NCAM2: variants seen among roughly 807,000 people sequenced by gnomAD.
NCAM2 encodes N-CAM-2.
NCAM2 carries 30 observed loss-of-function variants against 98.1 expected under a neutral mutation model. That is an observed-to-expected ratio of 0.31 (90% CI 0.23 to 0.41). The LOEUF (loss-of-function observed/expected upper bound fraction) is 0.41, where lower values mean the gene tolerates loss of function less well. Among genes scored for constraint, NCAM2 ranks in the 10% least tolerant of loss-of-function variants. NCAM2 has a pLI of 1.00. For missense variants in NCAM2, 867 were observed against 1,005.8 expected (o/e 0.86, Z 1.87); for synonymous variants, 368 against 342.4 (o/e 1.07, Z -0.83).
intron 1 of NCAM2, among the ~76,000 whole-genome samples, chr21:21,063,469 C>T (rs920939796): frequency 6.6e-6 from 1 of 151,904 alleles, no homozygotes; most frequent in Non-Finnish European, 1.5e-5. Context: ...GATCCACCCG[C>T]CTCAGCCTCC....
chr21:21,389,747 A>G (rs2076341303), intron 9 of NCAM2, among the ~76,000 whole-genome samples: 1 of 152,068 alleles, frequency 6.6e-6, no homozygotes, highest in Non-Finnish European at 1.5e-5. Context: ...AAATAATAAG[A>G]TTTCATTCTC....
At chr21:21,269,118 T>A (rs192105391) in intron 1 of NCAM2, among the ~76,000 whole-genome samples, 154 of 152,264 alleles carry the variant, frequency 1.0e-3, no homozygotes, top group Middle Eastern at 3.4e-3. Flanking sequence ...CATTTAAAAA[T>A]TTATCTGTCA....
intron 1 of NCAM2, among the ~76,000 whole-genome samples, chr21:21,046,228 TG>T (rs1401228236): frequency 6.6e-6 from 1 of 152,216 alleles, no homozygotes; most frequent in Non-Finnish European, 1.5e-5. Context: ...GTGAACTTGT[TG>T]GCAGCAAGGA....
chr21:21,083,630 G>C lies in NCAM2; in HGVS notation c.55+85012G>C, dbSNP rs140400446. ...AGATTTCACTATGTTGCCCAGGCTG[G>C]TCTTGAACTTCTGGCTTCAAACAAT... On this transcript the variant is annotated intron_variant, in intron 1 of 17. Coordinates refer to ENST00000400546, the MANE Select transcript of NCAM2 (RefSeq NM_004540.5). Among the ~76,000 whole-genome samples the C allele has an allele frequency of 4.5e-3, 679 of 152,076 alleles. 1 individual carries two copies. Among genetic ancestry groups the C allele is most frequent in the Middle Eastern group, 6.8e-3 (2 of 294 alleles).
chr21:21,083,724 T>C (rs946409019), intron 1 of NCAM2, among the ~76,000 whole-genome samples: 14 of 152,184 alleles, frequency 9.2e-5, no homozygotes, highest in African/African-American at 3.1e-4. Flanking sequence ...CTCATCTTTT[T>C]TAAAATTCTA....
At chr21:21,241,488 G>A (rs1444946803) in intron 1 of NCAM2, among the ~76,000 whole-genome samples, 2 of 152,030 alleles carry the variant, frequency 1.3e-5, no homozygotes, top group African/African-American at 2.4e-5. Flanking sequence ...TATTTAACTT[G>A]GACAAGCTCA....
chr21:21,276,340 A>T (rs1411946175), intron 1 of NCAM2, among the ~76,000 whole-genome samples: 1 of 152,116 alleles, frequency 6.6e-6, no homozygotes, highest in Non-Finnish European at 1.5e-5. Context: ...TGAGTATAGT[A>T]CATAATTTTT....
intron 1 of NCAM2, among the ~76,000 whole-genome samples, chr21:21,197,164 C>G (rs2069033975): frequency 6.6e-6 from 1 of 152,194 alleles, no homozygotes; most frequent in African/African-American, 2.4e-5. Flanking sequence ...GAGTCTCACT[C>G]TGCTACCCAG....
intron 6 of NCAM2, 42 bp from the exon 7 acceptor site, chr21:21,335,462 TA>T: frequency 6.6e-7 from 1 of 1,507,008 alleles, no homozygotes. Flanking sequence ...TACTAAATTA[TA>T]AAGCCAGATC....
intron 15 of NCAM2, 63 bp downstream of exon 15, chr21:21,477,534 C>T: frequency 8.1e-7 from 1 of 1,240,020 alleles, no homozygotes; most frequent in Non-Finnish European, 1.1e-6. Context: ...TTTTATAACC[C>T]TTACTGACTT....
intron 1 of NCAM2, among the ~76,000 whole-genome samples, chr21:21,110,113 C>T (rs1184152236): frequency 6.6e-6 from 1 of 152,108 alleles, no homozygotes; most frequent in Non-Finnish European, 1.5e-5. Context: ...GTGATGAGTC[C>T]AAAGCATTTG....
intron 6 of NCAM2, among the ~76,000 whole-genome samples, chr21:21,328,281 T>A (rs1256224666): frequency 1.3e-5 from 2 of 152,208 alleles, no homozygotes; most frequent in Non-Finnish European, 2.9e-5. Context: ...TTTTATACAC[T>A]ACATAATACT....
chr21:21,424,468 T>G (rs2077173180), intron 11 of NCAM2, among the ~76,000 whole-genome samples: 2 of 152,120 alleles, frequency 1.3e-5, no homozygotes, highest in African/African-American at 4.8e-5. Context: ...TGAATTCTGA[T>G]TGGAGTTCTT....
chr21:21,412,351 C>G (rs2076903898), intron 10 of NCAM2, among the ~76,000 whole-genome samples: 1 of 152,202 alleles, frequency 6.6e-6, no homozygotes. Flanking sequence ...AAGATCCTAT[C>G]TCCAAATTCA....
intron 1 of NCAM2, among the ~76,000 whole-genome samples, chr21:21,241,490 A>T (rs1383298679): frequency 2.0e-5 from 3 of 152,156 alleles, no homozygotes. Flanking sequence ...TTTAACTTGG[A>T]CAAGCTCATT....
intron 8 of NCAM2, among the ~76,000 whole-genome samples, chr21:21,346,438 G>C (rs1329319339): frequency 6.6e-6 from 1 of 152,016 alleles, no homozygotes. Context: ...AATAGCTGGA[G>C]ACTTCAACAC....
At chr21:21,059,567 G>A (rs1171761583) in intron 1 of NCAM2, among the ~76,000 whole-genome samples, 4 of 152,158 alleles carry the variant, frequency 2.6e-5, no homozygotes, top group South Asian at 2.1e-4. Context: ...ATAGTTTCTT[G>A]TACATATTAA....
intron 1 of NCAM2, among the ~76,000 whole-genome samples, chr21:21,216,892 G>A (rs1207053764): frequency 6.6e-6 from 1 of 152,140 alleles, no homozygotes; most frequent in African/African-American, 2.4e-5. Context: ...AAATCACAAG[G>A]TCTTTAGCAA....
At chr21:21,231,039 A>C (rs1238467494) in intron 1 of NCAM2, among the ~76,000 whole-genome samples, 1 of 151,356 alleles carries the variant, frequency 6.6e-6, no homozygotes, top group Admixed American at 6.6e-5. Context: ...AAAATTTAAA[A>C]ATTTGCAAAA....
Sources: allele counts gnomAD v4.1 joint callset (sites outside exome capture counted in the v4.1 genomes callset), GRCh38; gene constraint gnomAD v4.1.1; transcripts MANE v1.5; gene names NCBI Gene and HGNC (gene_info 2026-07-23, HGNC 2026-07-21).